The following PTPRN2 variants were observed in gnomAD, a reference collection of about 807,000 sequenced individuals.
PTPRN2 encodes protein tyrosine phosphatase receptor type N2, also known as receptor-type tyrosine-protein phosphatase N2.
In PTPRN2, 74 loss-of-function variants were observed where a neutral mutation model predicts 118.8. The observed-to-expected ratio is 0.62, with a 90% CI of 0.52 to 0.76. The LOEUF (loss-of-function observed/expected upper bound fraction) is 0.76. Among genes scored for constraint, PTPRN2 ranks in the 30% least tolerant of loss-of-function variants. The probability of loss-of-function intolerance (pLI) is 0.00; values close to 1 mark genes in which losing one functional copy is unlikely to be tolerated. For synonymous variants in PTPRN2, 641 were observed against 608.0 expected, an observed-to-expected ratio of 1.05 and a Z score of -0.80; for missense variants, 1,481 against 1,394.4, an observed-to-expected ratio of 1.06 and a Z score of -0.99.
At chr7:157,710,763 G>A (rs1798572494) in intron 12 of PTPRN2, among the ~76,000 whole-genome samples, 1 of 89,454 alleles carries the variant, frequency 1.1e-5, no homozygotes, top group Admixed American at 1.0e-4. Flanking sequence ...GCCCGCCCAT[G>A]TGCAGGAGGG....
intron 9 of PTPRN2, among the ~76,000 whole-genome samples, chr7:158,121,083 T>G (rs553972855): frequency 1.6e-4 from 25 of 152,238 alleles, no homozygotes; most frequent in African/African-American, 6.0e-4. Context: ...CCGGCTCCTG[T>G]GCTCCCCAGC....
At chr7:157,850,756 C>T (rs1210322715) in intron 12 of PTPRN2, among the ~76,000 whole-genome samples, 2 of 152,150 alleles carry the variant, frequency 1.3e-5, no homozygotes, top group South Asian at 2.1e-4. Flanking sequence ...GGCATGGAGG[C>T]GGAAGCTTCT....
chr7:158,193,860 G>A (rs1040729749), intron 4 of PTPRN2, among the ~76,000 whole-genome samples: 9 of 149,644 alleles, frequency 6.0e-5, no homozygotes, highest in African/African-American at 1.7e-4. Flanking sequence ...GAACACCTGC[G>A]TGAGTGACTG....
At chr7:158,476,097 T>C (rs1279496893) in intron 2 of PTPRN2, among the ~76,000 whole-genome samples, 1 of 152,210 alleles carries the variant, frequency 6.6e-6, no homozygotes, top group Non-Finnish European at 1.5e-5. Flanking sequence ...CTCCTCTTCC[T>C]GGGCTCAAGT....
At chr7:158,373,005 A>G (rs1461825633) in intron 2 of PTPRN2, among the ~76,000 whole-genome samples, 1 of 152,152 alleles carries the variant, frequency 6.6e-6, no homozygotes, top group Admixed American at 6.5e-5. Flanking sequence ...GAGCAGGGCC[A>G]CTACAGGGAG....
chr7:157,889,654 C>A (rs1796681517), intron 12 of PTPRN2, among the ~76,000 whole-genome samples: 1 of 152,242 alleles, frequency 6.6e-6, no homozygotes, highest in African/African-American at 2.4e-5. Context: ...CTCCCCTTCA[C>A]AAATATTCAC....
intron 2 of PTPRN2, among the ~76,000 whole-genome samples, chr7:158,466,601 G>C (rs947556939): frequency 4.6e-5 from 7 of 152,172 alleles, no homozygotes; most frequent in African/African-American, 1.7e-4. Flanking sequence ...CTGTCTCCAT[G>C]CCCTGGTGAA....
At chr7:158,424,199 G>A (rs977669830) in intron 2 of PTPRN2, among the ~76,000 whole-genome samples, 1 of 152,160 alleles carries the variant, frequency 6.6e-6, no homozygotes, top group African/African-American at 2.4e-5. Context: ...AGGCCAGAGA[G>A]GGGAGGCACC....
intron 2 of PTPRN2, among the ~76,000 whole-genome samples, chr7:158,326,430 AG>A (rs541281407): frequency 1.8e-4 from 28 of 152,326 alleles, no homozygotes; most frequent in African/African-American, 6.7e-4. Context: ...CCAGTACAGC[AG>A]GAGAATTAAT....
At chr7:158,520,815 C>T (rs561519056) in intron 1 of PTPRN2, among the ~76,000 whole-genome samples, 26 of 152,304 alleles carry the variant, frequency 1.7e-4, no homozygotes, top group Admixed American at 5.9e-4. Context: ...ACAGTGAGCA[C>T]GTCCTGGTTT....
chr7:158,062,475 T>C (rs1810418460), intron 11 of PTPRN2, among the ~76,000 whole-genome samples: 1 of 152,198 alleles, frequency 6.6e-6, no homozygotes, highest in Non-Finnish European at 1.5e-5. Flanking sequence ...CTGGCCCTGC[T>C]TGAGGAGCCC....
intron 12 of PTPRN2, among the ~76,000 whole-genome samples, chr7:157,860,373 C>T (rs10255456): frequency 0.032 from 4,872 of 152,306 alleles, 297 homozygotes; most frequent in African/African-American, 0.11. Flanking sequence ...ACAGCCTTCG[C>T]GCCTCTCCAG....
chr7:158,191,409 C>T (rs1258137696), intron 5 of PTPRN2, among the ~76,000 whole-genome samples: 2 of 152,112 alleles, frequency 1.3e-5, no homozygotes, highest in Middle Eastern at 6.8e-3. Context: ...AGTGTGTGAG[C>T]GTCGCCATCA....
At chr7:158,085,807 C>A (rs1210074155) in intron 10 of PTPRN2, among the ~76,000 whole-genome samples, 1 of 104,170 alleles carries the variant, frequency 9.6e-6, no homozygotes, top group Admixed American at 9.9e-5. Context: ...TCCACACATG[C>A]CCATCCACAC....
intron 3 of PTPRN2, among the ~76,000 whole-genome samples, chr7:158,216,839 G>T (rs1170096038): frequency 1.3e-5 from 2 of 152,218 alleles, no homozygotes; most frequent in East Asian, 3.9e-4. Context: ...AACCATGATA[G>T]ACTTAATGCT....
In PTPRN2 at chr7:157,964,674, G is replaced by C. The variant is rs780197743; in HGVS notation, c.1724-65937C>G. Among the ~76,000 whole-genome samples the C allele has an allele frequency of 2.0e-5, 3 of 152,150 alleles. No homozygotes were observed. The East Asian group carries it at 5.8e-4, about 29-fold the overall frequency. ...TTGGCGTGTGGAGCTGTGACCACCA[G>C]GGCCAACCTGAGGCAGCATCATGGA... On this transcript the variant is annotated intron_variant, in intron 11 of 22. Coordinates refer to ENST00000389418, the MANE Select transcript of PTPRN2 (RefSeq NM_002847.5). The surrounding 1 kb of genome is among the most constrained non-coding windows in gnomAD (Gnocchi z 9.0).
intron 6 of PTPRN2, among the ~76,000 whole-genome samples, chr7:158,161,118 G>A (rs979320083): frequency 1.3e-5 from 2 of 152,152 alleles, no homozygotes; most frequent in African/African-American, 2.4e-5. Flanking sequence ...GGCTCCCAAA[G>A]ACTCAATATT....
intron 3 of PTPRN2, among the ~76,000 whole-genome samples, chr7:158,207,518 C>T (rs1323843996): frequency 6.6e-6 from 1 of 152,004 alleles, no homozygotes; most frequent in East Asian, 1.9e-4. Context: ...AGGCAACCTA[C>T]AAAATGGGAG....
chr7:157,648,361 C>G (rs1214501457), intron 14 of PTPRN2, among the ~76,000 whole-genome samples: 1 of 91,442 alleles, frequency 1.1e-5, no homozygotes, highest in Non-Finnish European at 2.2e-5. Flanking sequence ...CTCGGTGGGT[C>G]AGACCCATCC....
Sources: gnomAD v4.1 joint callset for allele counts (sites outside exome capture counted in the v4.1 genomes callset) on GRCh38, gnomAD v4.1.1 for gene constraint, Gnocchi (gnomAD v3.1) non-coding constraint, MANE v1.5 for transcripts, NCBI Gene and HGNC (gene_info 2026-07-23, HGNC 2026-07-21) for gene names.